DNASE2B: variants seen among roughly 807,000 people sequenced by gnomAD.
DNASE2B encodes the protein deoxyribonuclease 2 beta, also known as deoxyribonuclease-2-beta.
A neutral mutation model predicts 46.0 loss-of-function variants in DNASE2B; 43 were observed. The ratio of observed to expected loss-of-function variants is 0.94; its 90% CI spans 0.73 to 1.21. The LOEUF (loss-of-function observed/expected upper bound fraction) is 1.21, where lower values mean the gene tolerates loss of function less well. DNASE2B is among the 50% of genes most tolerant of loss of function. DNASE2B has a pLI of 0.00. For missense variants in DNASE2B, 395 were observed against 414.4 expected (o/e 0.95, Z 0.41); for synonymous variants, 156 against 152.5 (o/e 1.02, Z -0.17).
intron 2 of DNASE2B, among the ~76,000 whole-genome samples, chr1:84,404,167 T>G (rs2101848712): frequency 6.6e-6 from 1 of 152,236 alleles, no homozygotes; most frequent in South Asian, 2.1e-4. Flanking sequence ...GCACCACCTC[T>G]TCTATGTCTT....
In DNASE2B at chr1:84,398,729, C is replaced by A. The variant is rs748873453; in HGVS notation, c.125+40C>A. ...TGGAAGGACTGCTGCATGCAAACAG[C>A]CTCGGTACAGAGTTGGCCTGGCTCA... On this transcript the variant is annotated intron_variant, in intron 1 of 5. Transcript: ENST00000370665. 2.4e-5 allele frequency: 38 copies of A among 1,610,096 alleles called. No individual in the cohort carries two copies. The Admixed American group carries it at 4.2e-4, about 18-fold the overall frequency.
At chr1:84,401,821 T>G in intron 1 of DNASE2B, 80 bp from the exon 2 acceptor site, 1 of 1,085,046 alleles carries the variant, frequency 9.2e-7, no homozygotes, top group South Asian at 1.9e-5. Context: ...ATGAGAGATA[T>G]ATTAAAGTGT....
At chr1:84,398,747 C>A in intron 1 of DNASE2B, 58 bp downstream of exon 1, 1 of 1,587,808 alleles carries the variant, frequency 6.3e-7, no homozygotes, top group Non-Finnish European at 8.6e-7. Context: ...CAGAGTTGGC[C>A]TGGCTCACTG....
chr1:84,408,816 T>TTATATATA (rs10556229), intron 3 of DNASE2B, among the ~76,000 whole-genome samples: 2 of 149,298 alleles, frequency 1.3e-5, no homozygotes, highest in African/African-American at 4.9e-5. Flanking sequence ...ACCAGCAATT[T>TTATATATA]TATATATATA....
chr1:84,410,173 T>G (rs1680563949), intron 3 of DNASE2B, among the ~76,000 whole-genome samples: 1 of 152,200 alleles, frequency 6.6e-6, no homozygotes, highest in Non-Finnish European at 1.5e-5. Flanking sequence ...TTTTACAAAG[T>G]TCTTTTTGGT....
chr1:84,412,696 C>T lies in DNASE2B; in HGVS notation c.745+150C>T, dbSNP rs998552629. 4.9e-4 allele frequency: 377 copies of T among 774,606 alleles called. 6 individuals carry two copies. The highest frequency in any genetic ancestry group is 8.9e-5 in the Non-Finnish European group (47 of 527,020). 48.0% of individuals were successfully genotyped at this position (774,606 alleles called of 1,614,324 possible). A position where few individuals can be genotyped will look rare whatever the true frequency, so the allele number is the denominator to read the frequency against. On this transcript the variant is annotated intron_variant, in intron 5 of 5. Coordinates refer to ENST00000370665, the MANE Select transcript of DNASE2B (RefSeq NM_021233.3). The stretch of plus-strand genomic sequence containing the variant: ...GAAAAAGGAAAGTCACGGATCAGTT[C>T]AAACATCAGCCGGCTATATGAGTCA...
intron 2 of DNASE2B, 111 bp from the exon 3 acceptor site, chr1:84,408,326 T>G: frequency 4.4e-6 from 6 of 1,363,128 alleles, no homozygotes; most frequent in Non-Finnish European, 5.7e-6. Context: ...AGATGACTTC[T>G]CATGTGTATT....
intron 2 of DNASE2B, among the ~76,000 whole-genome samples, chr1:84,406,173 A>G (rs943830973): frequency 2.0e-5 from 3 of 152,144 alleles, no homozygotes; most frequent in African/African-American, 7.2e-5. Flanking sequence ...CCCAAGGGCC[A>G]ACCGTATTAT....
At chr1:84,407,850 G>C (rs1311927878) in intron 2 of DNASE2B, among the ~76,000 whole-genome samples, 2 of 152,048 alleles carry the variant, frequency 1.3e-5, no homozygotes, top group African/African-American at 4.8e-5. Context: ...AAAATATCAA[G>C]TTGGAAAGGT....
intron 1 of DNASE2B, among the ~76,000 whole-genome samples, chr1:84,400,433 A>T (rs1246384): frequency 0.98 from 150,083 of 152,374 alleles, 73,963 homozygotes; most frequent in East Asian, 1. Flanking sequence ...TCTGCTTCTG[A>T]GACTGCATGA....
At chr1:84,411,567 T>C (rs1330433622) in intron 4 of DNASE2B, among the ~76,000 whole-genome samples, 1 of 151,940 alleles carries the variant, frequency 6.6e-6, no homozygotes, top group African/African-American at 2.4e-5. Context: ...CCAGGCCACA[T>C]GTTCCTTGTA....
In DNASE2B at chr1:84,402,068, A is replaced by G. The variant is rs772016190; in HGVS notation, c.293A>G (p.Tyr98Cys). The G allele has an allele frequency of 1.9e-6, 3 of 1,604,760 alleles. No homozygotes were observed. The highest frequency in any genetic ancestry group is 2.3e-5 in the South Asian group (2 of 88,526). ...GRTLQQLYEA[Y>C]ASKSNNTAYL... is the part of the protein sequence containing the mutation. The stretch of plus-strand genomic sequence containing the variant: ...ACATTACAACAGCTATATGAAGCAT[A>G]TGCCTCTAAGGTATGTTATATAGTT... Residue 98 changes from tyrosine to cysteine, a missense_variant, in exon 2 of 6, where the codon TAT (tyrosine) becomes TGT (cysteine). Physicochemically the swap from Tyr to Cys is radical, Grantham distance 194. Transcript: ENST00000370665.
chr1:84,405,994 T>C (rs927848067), intron 2 of DNASE2B, among the ~76,000 whole-genome samples: 1 of 152,198 alleles, frequency 6.6e-6, no homozygotes, highest in Admixed American at 6.5e-5. Flanking sequence ...TATCTACATA[T>C]ATTGTATGCA....
chr1:84,401,043 G>C (rs764640822), intron 1 of DNASE2B, among the ~76,000 whole-genome samples: 2 of 152,150 alleles, frequency 1.3e-5, no homozygotes, highest in Non-Finnish European at 2.9e-5. Flanking sequence ...ATAATGTTTG[G>C]TGCACTGTGA....
At chr1:84,405,211 G>T (rs1172654676) in intron 2 of DNASE2B, among the ~76,000 whole-genome samples, 2 of 151,718 alleles carry the variant, frequency 1.3e-5, no homozygotes, top group South Asian at 4.2e-4. Context: ...CCTTCCTTCT[G>T]CTTTGTCATA....
intron 1 of DNASE2B, among the ~76,000 whole-genome samples, chr1:84,401,558 G>T (rs1680420514): frequency 1.3e-5 from 2 of 152,196 alleles, no homozygotes; most frequent in Admixed American, 1.3e-4. Context: ...TATCCAGTCA[G>T]CCAACTGCAT....
intron 4 of DNASE2B, among the ~76,000 whole-genome samples, chr1:84,411,850 A>G (rs984495190): frequency 6.6e-6 from 1 of 152,194 alleles, no homozygotes. Flanking sequence ...GCCGAATATC[A>G]CAGAGATTAG....
At chr1:84,406,769 C>A (rs986699499) in intron 2 of DNASE2B, among the ~76,000 whole-genome samples, 7 of 152,144 alleles carry the variant, frequency 4.6e-5, no homozygotes, top group African/African-American at 1.7e-4. Flanking sequence ...TACTCCTCCA[C>A]CCCCTGACCT....
intron 3 of DNASE2B, among the ~76,000 whole-genome samples, chr1:84,409,375 C>G (rs935520091): frequency 6.6e-6 from 1 of 152,110 alleles, no homozygotes; most frequent in Non-Finnish European, 1.5e-5. Flanking sequence ...TACTATTCAA[C>G]TTGCCTGATA....
Sources: gnomAD v4.1 joint callset for allele counts (sites outside exome capture counted in the v4.1 genomes callset) on GRCh38, gnomAD v4.1.1 for gene constraint, MANE v1.5 for transcripts, NCBI Gene and HGNC (gene_info 2026-07-23, HGNC 2026-07-21) for gene names.